The following LDB2 variants were observed in gnomAD, a reference collection of about 807,000 sequenced individuals.
LDB2 encodes the protein LIM domain binding 2.
Under a neutral mutation model 44.3 loss-of-function variants are expected in LDB2, and 12 were observed. That is an observed-to-expected ratio of 0.27 (90% CI 0.17 to 0.44). The LOEUF is 0.44. Ranked by LOEUF, LDB2 falls within the 20% of genes least tolerant of loss-of-function variation. The probability of loss-of-function intolerance (pLI) is 1.00; values close to 1 mark genes in which losing one functional copy is unlikely to be tolerated. For missense variants in LDB2, 344 were observed against 473.5 expected, an observed-to-expected ratio of 0.73 and a Z score of 2.54; for synonymous variants, 164 against 174.8, an observed-to-expected ratio of 0.94 and a Z score of 0.49.
intron 1 of LDB2, among the ~76,000 whole-genome samples, chr4:16,857,575 G>A (rs758405118): frequency 2.0e-5 from 3 of 152,092 alleles, no homozygotes; most frequent in Non-Finnish European, 4.4e-5. Flanking sequence ...TCCTGTCCCC[G>A]GACTGCCCTG....
At chr4:16,543,018 G>A (rs1734421054) in intron 5 of LDB2, among the ~76,000 whole-genome samples, 1 of 146,876 alleles carries the variant, frequency 6.8e-6, no homozygotes, top group African/African-American at 2.5e-5. Flanking sequence ...GTGAGAACAT[G>A]CGGTATTTGG....
intron 5 of LDB2, among the ~76,000 whole-genome samples, chr4:16,583,448 C>T (rs992500098): frequency 2.6e-5 from 4 of 152,162 alleles, no homozygotes; most frequent in African/African-American, 9.7e-5. Context: ...CACAATACTT[C>T]AGTTGACCTT....
chr4:16,886,192 C>A (rs759463755), intron 1 of LDB2, among the ~76,000 whole-genome samples: 3 of 152,120 alleles, frequency 2.0e-5, no homozygotes, highest in Non-Finnish European at 4.4e-5. Context: ...GCACTCCAGC[C>A]TGGGCAACAG....
intron 1 of LDB2, among the ~76,000 whole-genome samples, chr4:16,782,938 T>A (rs1010125023): frequency 6.6e-6 from 1 of 151,920 alleles, no homozygotes; most frequent in East Asian, 1.9e-4. Context: ...TGAAAAAAAA[T>A]AAAATAGAAT....
intron 2 of LDB2, among the ~76,000 whole-genome samples, chr4:16,639,326 C>T (rs1734508875): frequency 6.6e-6 from 1 of 152,126 alleles, no homozygotes; most frequent in Non-Finnish European, 1.5e-5. Flanking sequence ...CGTGACTTGG[C>T]TTCAGAGAGC....
intron 3 of LDB2, among the ~76,000 whole-genome samples, chr4:16,591,760 G>C (rs1719047599): frequency 6.6e-6 from 1 of 151,888 alleles, no homozygotes; most frequent in South Asian, 2.1e-4. Flanking sequence ...ATTCAGAAAT[G>C]GTAAAAAAAC....
chr4:16,816,617 G>A (rs758016105), intron 1 of LDB2, among the ~76,000 whole-genome samples: 1 of 151,862 alleles, frequency 6.6e-6, no homozygotes, highest in South Asian at 2.1e-4. Flanking sequence ...CACCATGTTT[G>A]CCAGGATGGT....
chr4:16,668,404 C>T (rs1019148092), intron 2 of LDB2, among the ~76,000 whole-genome samples: 2 of 152,162 alleles, frequency 1.3e-5, no homozygotes, highest in East Asian at 1.9e-4. Context: ...AATCCCTCTC[C>T]GTGATAGCTC....
At chr4:16,595,227 T>C (rs556111277) in intron 3 of LDB2, among the ~76,000 whole-genome samples, 208 of 152,276 alleles carry the variant, frequency 1.4e-3, no homozygotes, top group Non-Finnish European at 2.1e-3. Flanking sequence ...CCTAATTTCA[T>C]TGACATTTTA....
intron 2 of LDB2, chr4:16,726,571 C>G (rs1759516732): frequency 6.6e-6 from 1 of 152,166 alleles, no homozygotes; most frequent in African/African-American, 2.4e-5. Context: ...CATTGGCCAA[C>G]TACACAACAG....
intron 2 of LDB2, among the ~76,000 whole-genome samples, chr4:16,690,371 A>C (rs1195780367): frequency 6.6e-6 from 1 of 150,940 alleles, no homozygotes; most frequent in Non-Finnish European, 1.5e-5. Context: ...TTGAGGTGGG[A>C]GAATCACCTG....
intron 1 of LDB2, among the ~76,000 whole-genome samples, chr4:16,763,767 T>C (rs1349583019): frequency 2.0e-5 from 3 of 152,198 alleles, no homozygotes; most frequent in African/African-American, 7.2e-5. Context: ...TATAGAGAAC[T>C]TATGTCCTTA....
At chr4:16,841,017 T>G (rs1008503230) in intron 1 of LDB2, among the ~76,000 whole-genome samples, 1 of 152,214 alleles carries the variant, frequency 6.6e-6, no homozygotes, top group Non-Finnish European at 1.5e-5. Context: ...CGTCTCTGCA[T>G]GCACATTCAA....
intron 2 of LDB2, among the ~76,000 whole-genome samples, chr4:16,709,143 A>G: frequency 6.6e-6 from 1 of 152,202 alleles, no homozygotes; most frequent in East Asian, 1.9e-4. Flanking sequence ...AGCTCAGAAT[A>G]GCTGCTCAAT....
intron 5 of LDB2, among the ~76,000 whole-genome samples, chr4:16,542,725 A>ATT (rs140614064): frequency 9.9e-5 from 15 of 151,450 alleles, no homozygotes; most frequent in East Asian, 5.9e-4. Flanking sequence ...ATGCTCAATA[A>ATT]TTTTTTTTTA....
At chr4:16,532,520 C>T (rs1384860599) in intron 5 of LDB2, among the ~76,000 whole-genome samples, 1 of 152,142 alleles carries the variant, frequency 6.6e-6, no homozygotes, top group Non-Finnish European at 1.5e-5. Context: ...GCATTTATTT[C>T]CTATTCTTTC....
chr4:16,832,407 A>G (rs1251876509), intron 1 of LDB2, among the ~76,000 whole-genome samples: 1 of 152,232 alleles, frequency 6.6e-6, no homozygotes, highest in Non-Finnish European at 1.5e-5. Context: ...TAGAGAAAGA[A>G]AAATACCTTT....
intron 2 of LDB2, among the ~76,000 whole-genome samples, chr4:16,683,756 C>A (rs1236512296): frequency 6.6e-6 from 1 of 152,198 alleles, no homozygotes; most frequent in African/African-American, 2.4e-5. Flanking sequence ...GGCTCAGCAG[C>A]TTAGCACAAC....
intron 2 of LDB2, among the ~76,000 whole-genome samples, chr4:16,655,896 CTTTTTTTT>C (rs747097456): frequency 4.3e-5 from 4 of 93,314 alleles, no homozygotes; most frequent in African/African-American, 1.8e-4. Flanking sequence ...TGCAAGAAAA[CTTTTTTTT>C]TTTTTTTTTT....
Sources: gnomAD v4.1 joint callset for allele counts (sites outside exome capture counted in the v4.1 genomes callset) on GRCh38, gnomAD v4.1.1 for gene constraint, MANE v1.5 for transcripts, NCBI Gene and HGNC (gene_info 2026-07-23, HGNC 2026-07-21) for gene names.